The following AHNAK variants were observed in gnomAD, a reference collection of about 807,000 sequenced individuals.
AHNAK encodes the protein AHNAK nucleoprotein.
Under a neutral mutation model 37.8 loss-of-function variants are expected in AHNAK, and 23 were observed. The observed-to-expected ratio is 0.61, with a 90% confidence interval of 0.44 to 0.86. The LOEUF (loss-of-function observed/expected upper bound fraction) is 0.86. Among genes scored for constraint, AHNAK ranks in the 40% least tolerant of loss-of-function variants. The pLI, the probability that AHNAK is intolerant of heterozygous loss-of-function variation, is 0.00. For synonymous variants in AHNAK, 2,481 were observed against 2,636.3 expected (o/e 0.94, Z 1.80); for missense variants, 7,411 against 7,319.4 (o/e 1.01, Z -0.46).
chr11:62,461,043 G>A (rs542668884), intron 5 of AHNAK, among the ~76,000 whole-genome samples: 8 of 132,130 alleles, frequency 6.1e-5, no homozygotes, highest in Admixed American at 4.3e-4. Flanking sequence ...CACTGTGTTA[G>A]CCAGGATGGT....
rs1940480791 is a variant in AHNAK at position 62,526,272 on chromosome 11, GT to G, written c.8144del (p.Asn2715ThrfsTer2). 6.2e-7 allele frequency: 1 copy of G among 1,612,666 alleles called. No individual in the cohort carries two copies. The highest frequency in any genetic ancestry group is 8.5e-7 in the Non-Finnish European group (1 of 1,179,696). On this transcript the variant is annotated frameshift_variant, in exon 5 of 5. Transcript: ENST00000378024. LOFTEE classifies it low-confidence loss of function (END_TRUNC). ...CACCCTTCACTTTGGGTCCTTTCAG[GT>G]TTAAGTCAATATCAGGCATGGAGAT... is the stretch of plus-strand genomic sequence containing the variant. ...PKISMPDIDL[N>X]LKGPKVKGDV... is the part of the protein sequence containing the mutation.
chr11:62,524,667 T>G lies in AHNAK; in HGVS notation c.9750A>C (p.Gly3250=). The change falls in exon 5 of 5, where the codon GGA becomes GGC. Residue 3250 remains glycine, a synonymous_variant. Transcript: ENST00000378024. The part of the protein sequence containing the change: ...SLANVEGDLK[G]PALDIKGPKI... ...TTGGGCCTTTTATGTCAAGAGCAGG[T>G]CCTTTCAAATCACCTTCTACATTTG... is the stretch of plus-strand genomic sequence containing the variant. The G allele has an allele frequency of 6.2e-7, 1 of 1,614,210 alleles. No individual in the cohort carries two copies. Among genetic ancestry groups the G allele is most frequent in the East Asian group, 2.2e-5 (1 of 44,892 alleles).
At position 62,529,351 on chromosome 11, in the gene AHNAK, A is replaced by G; in HGVS notation, c.5066T>C (p.Ile1689Thr). 1.2e-6 allele frequency: 2 copies of G among 1,614,050 alleles called. No individual in the cohort carries two copies. The highest frequency in any genetic ancestry group is 1.7e-6 in the Non-Finnish European group (2 of 1,180,010). The change falls in exon 5 of 5, where the codon ATT (isoleucine) becomes ACT (threonine). Residue 1689 changes from isoleucine to threonine, a missense_variant. Coordinates refer to ENST00000378024, the MANE Select transcript of AHNAK (RefSeq NM_001620.3). Reference protein sequence around the residue: ...EGEMKVPDVDIKGPKVDIDAP... With the variant: ...EGEMKVPDVDTKGPKVDIDAP... ...ATCAATGTCCACTTTGGGCCCTTTA[A>G]TGTCAACATCTGGCACTTTCATTTC...
chr11:62,537,028 G>A (rs934202046), intron 1 of AHNAK, among the ~76,000 whole-genome samples: 11 of 148,774 alleles, frequency 7.4e-5, no homozygotes, highest in South Asian at 2.1e-4. Flanking sequence ...ATCTCGGCTC[G>A]CTGCAAGCTC....
chr11:62,449,136 T>C (rs1465546630), intron 5 of AHNAK, among the ~76,000 whole-genome samples: 1 of 152,130 alleles, frequency 6.6e-6, no homozygotes, highest in African/African-American at 2.4e-5. Context: ...CATCAGGTCA[T>C]TTGAGCTACA....
Position 62,535,271 on chromosome 11 carries a change from G to T in AHNAK, c.155-81C>A, listed in dbSNP as rs997575129. 7 of 1,227,096 alleles carry T rather than the reference G, an allele frequency of 5.7e-6. No homozygotes were observed. In the African/African-American group the frequency reaches 7.5e-5, roughly 13 times the overall value. 76.0% of individuals were successfully genotyped at this position (1,227,096 alleles called of 1,614,324 possible). ...ACACAGCCACCACACACTGGGCACT[G>T]AACTGACTTGAACTCATGACCACCC... is the stretch of plus-strand genomic sequence containing the variant. On this transcript the variant is annotated intron_variant, in intron 3 of 4. Coordinates refer to ENST00000378024, the MANE Select transcript of AHNAK (RefSeq NM_001620.3).
chr11:62,438,664 A>G (rs1938233811), intron 5 of AHNAK, among the ~76,000 whole-genome samples: 1 of 152,002 alleles, frequency 6.6e-6, no homozygotes, highest in South Asian at 2.1e-4. Flanking sequence ...TTTAATTTTG[A>G]TAAAGTCCAA....
intron 5 of AHNAK, among the ~76,000 whole-genome samples, chr11:62,452,667 AC>A (rs1409645460): frequency 6.6e-6 from 1 of 152,026 alleles, no homozygotes; most frequent in East Asian, 1.9e-4. Flanking sequence ...ATCTTCAGCA[AC>A]CTCTGCACCC....
exon 6 of AHNAK, chr11:62,433,845 A>T: frequency 6.2e-7 from 1 of 1,613,806 alleles, no homozygotes; most frequent in Non-Finnish European, 8.5e-7. Context: ...CGGTCACAAA[A>T]ACAACCTTAA....
rs1288763231 is a variant in AHNAK at position 62,526,605 on chromosome 11, C to A, written c.7812G>T (p.Val2604=). The change falls in exon 5 of 5, where the codon GTG becomes GTT. Residue 2604 remains valine, a synonymous_variant. Coordinates refer to ENST00000378024, the MANE Select transcript of AHNAK (RefSeq NM_001620.3). The part of the protein sequence containing the change: ...KGDVDVSLPK[V]EGDLKGPEVD... ...CTTCGGGGCCCTTGAGGTCACCTTC[C>A]ACTTTGGGCAGAGAAACATCCACAT... The A allele has an allele frequency of 6.2e-7, 1 of 1,613,732 alleles. No individual in the cohort carries two copies. The highest frequency in any genetic ancestry group is 8.5e-7 in the Non-Finnish European group (1 of 1,179,986).
At chr11:62,449,030 T>C (rs1938477919) in intron 5 of AHNAK, among the ~76,000 whole-genome samples, 1 of 152,054 alleles carries the variant, frequency 6.6e-6, no homozygotes, top group African/African-American at 2.4e-5. Flanking sequence ...ACTGCGCCAC[T>C]GCACTCCAGC....
intron 4 of AHNAK, 136 bp from the exon 5 acceptor site, chr11:62,534,210 C>A (rs1347752297): frequency 2.4e-6 from 2 of 822,502 alleles, no homozygotes; most frequent in African/African-American, 3.4e-5. Context: ...ATGGAGCCTC[C>A]TGGGGCACAG....
intron 5 of AHNAK, among the ~76,000 whole-genome samples, chr11:62,466,469 A>AT (rs67385747): frequency 1.2e-3 from 168 of 135,756 alleles, no homozygotes; most frequent in East Asian, 3.4e-3. Context: ...TAAAGTTTTG[A>AT]TTTTTTTTTT....
intron 1 of AHNAK, among the ~76,000 whole-genome samples, chr11:62,542,312 C>T (rs1941154373): frequency 6.6e-6 from 1 of 152,114 alleles, no homozygotes; most frequent in African/African-American, 2.4e-5. Flanking sequence ...CCTGCACCTC[C>T]CCTTGTGTGT....
In AHNAK at chr11:62,517,985, C is replaced by G; in HGVS notation, c.16432G>C (p.Gly5478Arg). 6.2e-7 allele frequency: 1 copy of G among 1,614,198 alleles called. No individual in the cohort carries two copies. Among genetic ancestry groups the G allele is most frequent in the Non-Finnish European group, 8.5e-7 (1 of 1,180,038 alleles). The stretch of plus-strand genomic sequence containing the variant: ...TGAACACCAATGCCTGGAAGACCTC[C>G]TCCGACAGTGGGGCCTTTGATCTCA... ...TGEIKGPTVG[G>R]GLPGIGVQGL... Residue 5478 changes from glycine to arginine, a missense_variant, in exon 5 of 5, where the codon GGA becomes CGA. By Grantham distance (125) the Gly-to-Arg change is moderately radical. Transcript: ENST00000378024.
chr11:62,531,333 G>C lies in AHNAK; in HGVS notation c.3084C>G (p.Asp1028Glu). 6.2e-7 allele frequency: 1 copy of C among 1,612,880 alleles called. No individual in the cohort carries two copies. The highest frequency in any genetic ancestry group is 8.5e-7 in the Non-Finnish European group (1 of 1,179,730). The change falls in exon 5 of 5, where the codon GAC (aspartate) becomes GAG (glutamate). Residue 1028 changes from aspartate to glutamate, a missense_variant. Coordinates refer to ENST00000378024, the MANE Select transcript of AHNAK (RefSeq NM_001620.3). The stretch of plus-strand genomic sequence containing the variant: ...TAGTATCTACTTTTGGTGCAGAAAT[G>C]TCCACATTCGCTTTGGACAGGTTCA... Reference protein sequence around the residue: ...FDVNLSKANVDISAPKVDTNA... With the variant: ...FDVNLSKANVEISAPKVDTNA...
chr11:62,468,064 T>G (rs577289139), intron 5 of AHNAK, among the ~76,000 whole-genome samples: 3 of 151,976 alleles, frequency 2.0e-5, no homozygotes, highest in African/African-American at 7.2e-5. Context: ...ACATGGTGAT[T>G]TGGCTGGGCA....
chr11:62,488,484 C>T (rs1939438692), intron 5 of AHNAK, among the ~76,000 whole-genome samples: 1 of 151,872 alleles, frequency 6.6e-6, no homozygotes, highest in South Asian at 2.1e-4. Flanking sequence ...TCACTGCAGC[C>T]TCCGCCCCCT....
Position 62,525,520 on chromosome 11 carries a change from G to A in AHNAK, c.8897C>T (p.Pro2966Leu). ...ACCTTTCAGATGCAAATCAAAGTCA[G>A]GCATGGGGATCTTGGGGGCTTTGAT... ...MNIKAPKIPMPDFDLHLKGPK... is the reference protein window; with the variant it reads ...MNIKAPKIPMLDFDLHLKGPK... Residue 2966 changes from proline (P) to leucine (L), a missense_variant, in exon 5 of 5, where the codon CCT becomes CTT. Transcript: ENST00000378024. The A allele has an allele frequency of 3.1e-6, 5 of 1,613,776 alleles. No individual in the cohort carries two copies. The highest frequency in any genetic ancestry group is 4.2e-6 in the Non-Finnish European group (5 of 1,179,980).
Sources: allele counts gnomAD v4.1 joint callset (sites outside exome capture counted in the v4.1 genomes callset), GRCh38; gene constraint gnomAD v4.1.1; transcripts MANE v1.5; gene names NCBI Gene and HGNC (gene_info 2026-07-23, HGNC 2026-07-21).